Variants in INO80D observed in about 807,000 individuals in gnomAD.
INO80D encodes the protein INO80 complex subunit D.
In INO80D, 21 loss-of-function variants were observed where a neutral mutation model predicts 87.6. That is an observed-to-expected ratio of 0.24 (90% CI 0.17 to 0.35). The LOEUF is 0.35. Among genes scored for constraint, INO80D ranks in the 10% least tolerant of loss-of-function variants. The pLI, the probability that INO80D is intolerant of heterozygous loss-of-function variation, is 1.00. For missense variants in INO80D, 982 were observed against 1,280.7 expected (o/e 0.77, Z 3.56); for synonymous variants, 440 against 491.0 (o/e 0.90, Z 1.37).
intron 9 of INO80D, 117 bp downstream of exon 9, chr2:206,009,460 A>C (rs1688111655): frequency 1.4e-5 from 11 of 795,356 alleles, no homozygotes; most frequent in Admixed American, 3.1e-5. Flanking sequence ...ATCTAGGCTG[A>C]TATACTAAAT....
chr2:206,016,727 GGTCTTTCCTGTT>G (rs557279730), intron 8 of INO80D, among the ~76,000 whole-genome samples: 2 of 152,154 alleles, frequency 1.3e-5, no homozygotes, highest in Non-Finnish European at 2.9e-5. Flanking sequence ...TTATGGGGCA[GGTCTTTCCTGTT>G]GTCTTTCCTG....
chr2:206,038,096 G>A (rs1220077601), intron 5 of INO80D, among the ~76,000 whole-genome samples: 1 of 152,182 alleles, frequency 6.6e-6, no homozygotes, highest in Non-Finnish European at 1.5e-5. Flanking sequence ...CGGGGTGGAA[G>A]AGCGGAGGAT....
chr2:206,003,967 AT>A lies in INO80D; in HGVS notation c.*400del. The stretch of plus-strand genomic sequence containing the variant: ...CTTATACAGGAACTCAATTAATAAG[AT>A]CATTCTATCTAGAACCACCTATGTA... On this transcript the variant is annotated 3_prime_UTR_variant, in exon 11 of 11. Coordinates refer to ENST00000403263, the MANE Select transcript of INO80D (RefSeq NM_017759.5). The A allele has an allele frequency of 5.0e-6, 1 of 200,598 alleles. No homozygotes were observed. The highest frequency in any genetic ancestry group is 1.0e-5 in the Non-Finnish European group (1 of 96,198). The allele number at this position is 200,598 out of a possible 1,614,324, so 12.4% of individuals were successfully genotyped here. A position where few individuals can be genotyped will look rare whatever the true frequency, so the allele number is the denominator to read the frequency against.
Position 206,056,225 on chromosome 2 carries a change from A to G in INO80D, c.937T>C (p.Leu313=), listed in dbSNP as rs377257162. ...LVKLCTQKHQ[L]DTDLFPHLGL... ...AAATGGGGAAACAGATCAGTGTCCAACTGATGTTTCTGGGTGCACAGTTTC... is the reference window on the plus strand; with the variant it reads ...AAATGGGGAAACAGATCAGTGTCCAGCTGATGTTTCTGGGTGCACAGTTTC... Residue 313 remains leucine, a synonymous_variant, in exon 4 of 11, where the codon TTG becomes CTG. Coordinates refer to ENST00000403263, the MANE Select transcript of INO80D (RefSeq NM_017759.5). 6.2e-7 allele frequency: 1 copy of G among 1,601,864 alleles called. No individual in the cohort carries two copies. Among genetic ancestry groups the G allele is most frequent in the Admixed American group, 1.7e-5 (1 of 58,368 alleles).
At chr2:206,079,322 C>T (rs1690211679) in intron 1 of INO80D, among the ~76,000 whole-genome samples, 1 of 152,204 alleles carries the variant, frequency 6.6e-6, no homozygotes, top group African/African-American at 2.4e-5. Flanking sequence ...ATCCGCCCAC[C>T]TTGGCCTCCC....
At chr2:206,043,287 T>C (rs1689102437) in intron 5 of INO80D, among the ~76,000 whole-genome samples, 1 of 152,074 alleles carries the variant, frequency 6.6e-6, no homozygotes, top group Admixed American at 6.6e-5. Context: ...TTCTTCTGCC[T>C]CAGCCTCCTG....
rs774039754 is a variant in INO80D, at chr2:206,019,747, T to C, written c.1397A>G (p.His466Arg). The C allele has an allele frequency of 2.5e-6, 4 of 1,613,324 alleles. No homozygotes were observed. The highest frequency in any genetic ancestry group is 1.7e-5 in the Admixed American group (1 of 59,966). Reference sequence around the variant, plus strand: ...AGTTGAAAGGATACGTTGGAAACAATGTCTGGTGAATGGAAGGGCTTTGTT... The same window carrying C: ...AGTTGAAAGGATACGTTGGAAACAACGTCTGGTGAATGGAAGGGCTTTGTT... ...CANKALPFTRHCFQHILLNHS... is the reference protein window; with the variant it reads ...CANKALPFTRRCFQHILLNHS... The change falls in exon 7 of 11, where the codon CAT becomes CGT. Residue 466 changes from histidine to arginine, a missense_variant. His to Arg is a conservative substitution (Grantham distance 29). Coordinates refer to ENST00000403263, the MANE Select transcript of INO80D (RefSeq NM_017759.5).
At chr2:206,011,886 G>A (rs1044579879) in intron 8 of INO80D, among the ~76,000 whole-genome samples, 1 of 152,202 alleles carries the variant, frequency 6.6e-6, no homozygotes, top group Non-Finnish European at 1.5e-5. Context: ...ATGTTAGGAA[G>A]AAAAATGAGG....
rs532331973 is a variant in INO80D, at chr2:205,996,648, G to A, written c.*7720C>T. On this transcript the variant is annotated 3_prime_UTR_variant, in exon 11 of 11. Coordinates refer to ENST00000403263, the MANE Select transcript of INO80D (RefSeq NM_017759.5). The stretch of plus-strand genomic sequence containing the variant: ...TATCTATACACACACATATACATAC[G>A]TGTATATATAGATTTATACAAATGT... 21 of 151,910 alleles carry A rather than the reference G, an allele frequency of 1.4e-4. No individual in the cohort carries two copies. The highest frequency in any genetic ancestry group is 3.9e-4 in the African/African-American group (16 of 41,450). The allele number at this position is 151,910 out of a possible 1,614,324, so 9.4% of individuals were successfully genotyped here. A position where few individuals can be genotyped will look rare whatever the true frequency, so the allele number is the denominator to read the frequency against.
In INO80D at chr2:206,016,077, G is replaced by C. The variant is rs140667686; in HGVS notation, c.1542+1603C>G. Among the ~76,000 whole-genome samples the C allele has an allele frequency of 7.2e-5, 11 of 152,268 alleles. 1 individual carries two copies. The East Asian group carries it at 2.1e-3, about 29-fold the overall frequency. On this transcript the variant is annotated intron_variant, in intron 8 of 10. Coordinates refer to ENST00000403263, the MANE Select transcript of INO80D (RefSeq NM_017759.5). ...GAGGGCCACCATCCTCCAGACCCCAGAATGGTAGATCTACTGACAGCTTGC... is the reference window on the plus strand; with the variant it reads ...GAGGGCCACCATCCTCCAGACCCCACAATGGTAGATCTACTGACAGCTTGC...
At chr2:206,005,906 A>G (rs1331099917) in intron 10 of INO80D, among the ~76,000 whole-genome samples, 1 of 152,226 alleles carries the variant, frequency 6.6e-6, no homozygotes, top group Admixed American at 6.5e-5. Context: ...GAAAACATAT[A>G]TCAACTTGGA....
rs1403514487 is a variant in INO80D at position 206,062,178 on chromosome 2, CAT to C, written c.218+619_218+620del. ...AATAGTGTTTCCAAATTATGGCAAACATACTCTATTTGGAACACTTTTTAACC... is the reference window on the plus strand; with the variant it reads ...AATAGTGTTTCCAAATTATGGCAAACACTCTATTTGGAACACTTTTTAACC... On this transcript the variant is annotated intron_variant, in intron 3 of 10. Coordinates refer to ENST00000403263, the MANE Select transcript of INO80D (RefSeq NM_017759.5). The surrounding 1 kb of genome is among the most constrained non-coding windows in gnomAD (Gnocchi z 4.6). 6.6e-6 allele frequency among the ~76,000 whole-genome samples: 1 copy of C among 152,124 alleles called. No homozygotes were observed. Among genetic ancestry groups the C allele is most frequent in the Admixed American group, 6.5e-5 (1 of 15,270 alleles).
rs754230080 is a variant in INO80D, at chr2:205,997,774, C to T, written c.*6594G>A. The T allele has an allele frequency of 1.8e-4, 28 of 152,094 alleles. No individual in the cohort carries two copies. Among genetic ancestry groups the T allele is most frequent in the Non-Finnish European group, 3.7e-4 (25 of 67,986 alleles). The allele number at this position is 152,094 out of a possible 1,614,324, so 9.4% of individuals were successfully genotyped here. A position where few individuals can be genotyped will look rare whatever the true frequency, so the allele number is the denominator to read the frequency against. On this transcript the variant is annotated 3_prime_UTR_variant, in exon 11 of 11. Coordinates refer to ENST00000403263, the MANE Select transcript of INO80D (RefSeq NM_017759.5). ...GAGCTAGCCTTTTAACATAAGATAA[C>T]ATAATGATTAATTTGGTGTATTTAT...
rs1461911278 is a variant in INO80D, at chr2:205,994,886, AAAAAGAAAG to A, written c.*9473_*9481del. On this transcript the variant is annotated 3_prime_UTR_variant, in exon 11 of 11. Transcript: ENST00000403263. ...AACTTGGAACTCGCAAAAAAAAAAA[AAAAAGAAAG>A]AAAGAAAGAAAGAAAAAAGAGTTTG... The A allele has an allele frequency of 6.6e-6, 1 of 151,694 alleles. No homozygotes were observed. The highest frequency in any genetic ancestry group is 1.5e-5 in the Non-Finnish European group (1 of 67,938). 9.4% of individuals were successfully genotyped at this position (151,694 alleles called of 1,614,324 possible). A position where few individuals can be genotyped will look rare whatever the true frequency, so the allele number is the denominator to read the frequency against.
chr2:206,007,600 T>A (rs917258642), intron 9 of INO80D, among the ~76,000 whole-genome samples, 159 bp from the exon 10 acceptor site: 1 of 152,100 alleles, frequency 6.6e-6, no homozygotes, highest in Non-Finnish European at 1.5e-5. Context: ...GGTGAGAGGA[T>A]CACTTGAGGG....
chr2:206,081,913 A>G (rs1256398515), intron 1 of INO80D, among the ~76,000 whole-genome samples: 1 of 152,216 alleles, frequency 6.6e-6, no homozygotes, highest in Non-Finnish European at 1.5e-5. Context: ...TAAAGAAACC[A>G]AAGACTAAAT....
In INO80D at chr2:206,056,819, C is replaced by A. The variant is rs1179682277; in HGVS notation, c.343G>T (p.Val115Leu). The A allele has an allele frequency of 1.9e-6, 3 of 1,612,366 alleles. No individual in the cohort carries two copies. The highest frequency in any genetic ancestry group is 2.5e-6 in the Non-Finnish European group (3 of 1,179,176). Residue 115 changes from valine to leucine, a missense_variant, in exon 4 of 11, where the codon GTG becomes TTG. Val to Leu is a conservative substitution (Grantham distance 32). Coordinates refer to ENST00000403263, the MANE Select transcript of INO80D (RefSeq NM_017759.5). ...QMDTMAFSLT[V>L]PTLALKMPNG... ...GGCATCTTCAAGGCCAACGTGGGCA[C>A]TGTCAGGCTAAAGGCCATGGTATCC... is the stretch of plus-strand genomic sequence containing the variant.
chr2:206,046,931 C>T (rs1689211482), intron 4 of INO80D, among the ~76,000 whole-genome samples: 1 of 152,140 alleles, frequency 6.6e-6, no homozygotes. Context: ...CACGCGCCAG[C>T]CACCACACCC....
intron 4 of INO80D, among the ~76,000 whole-genome samples, chr2:206,051,328 C>T (rs993296977): frequency 6.6e-6 from 1 of 151,612 alleles, no homozygotes; most frequent in Non-Finnish European, 1.5e-5. Context: ...GGGATCCTTC[C>T]GCCTCAGCCT....
Sources: allele counts gnomAD v4.1 joint callset (sites outside exome capture counted in the v4.1 genomes callset), GRCh38; gene constraint gnomAD v4.1.1; non-coding constraint Gnocchi (gnomAD v3.1); transcripts MANE v1.5; gene names NCBI Gene and HGNC (gene_info 2026-07-23, HGNC 2026-07-21).